APBB2: variants seen among roughly 807,000 people sequenced by gnomAD.
The protein encoded by APBB2 is amyloid beta precursor protein binding family B member 2.
Under a neutral mutation model 82.5 loss-of-function variants are expected in APBB2, and 38 were observed. That is an observed-to-expected ratio of 0.46 (90% CI 0.36 to 0.60). APBB2 has a LOEUF of 0.60. Among genes scored for constraint, APBB2 ranks in the 20% least tolerant of loss-of-function variants. APBB2 has a pLI of 0.00. For missense variants in APBB2, 772 were observed against 972.3 expected, an observed-to-expected ratio of 0.79 and a Z score of 2.74; for synonymous variants, 341 against 368.2, an observed-to-expected ratio of 0.93 and a Z score of 0.85.
At chr4:40,870,886 C>T (rs1238963177) in intron 12 of APBB2, among the ~76,000 whole-genome samples, 1 of 151,962 alleles carries the variant, frequency 6.6e-6, no homozygotes, top group Non-Finnish European at 1.5e-5. Flanking sequence ...GTGCATGACA[C>T]CACACCCAGC....
chr4:40,934,886 G>A, intron 8 of APBB2, 187 bp from the exon 9 acceptor site: 1 of 674,788 alleles, frequency 1.5e-6, no homozygotes, highest in Non-Finnish European at 2.5e-6. Context: ...AAACAACGGG[G>A]AACCTAGGGC....
At chr4:41,103,793 C>CA (rs1281126072) in intron 2 of APBB2, among the ~76,000 whole-genome samples, 1 of 151,950 alleles carries the variant, frequency 6.6e-6, no homozygotes, top group African/African-American at 2.4e-5. Context: ...GAAGGCTAGC[C>CA]AAAAAAACAA....
chr4:40,859,101 T>C (rs142802337), intron 12 of APBB2, among the ~76,000 whole-genome samples: 77 of 152,254 alleles, frequency 5.1e-4, no homozygotes, highest in East Asian at 5.0e-3. Context: ...AAGCAACAAA[T>C]AGATGGGTCT....
chr4:41,122,077 C>T (rs1417424952), intron 2 of APBB2, among the ~76,000 whole-genome samples: 2 of 152,040 alleles, frequency 1.3e-5, no homozygotes, highest in Non-Finnish European at 2.9e-5. Context: ...GGGCACACCA[C>T]CAGGCTTGAC....
intron 12 of APBB2, among the ~76,000 whole-genome samples, chr4:40,874,759 C>T (rs991187462): frequency 2.6e-5 from 4 of 152,150 alleles, no homozygotes; most frequent in African/African-American, 9.7e-5. Context: ...GGGGCTTTCT[C>T]TGAGAATAGA....
At chr4:41,075,275 G>C (rs897260081) in intron 3 of APBB2, among the ~76,000 whole-genome samples, 2 of 152,132 alleles carry the variant, frequency 1.3e-5, no homozygotes, top group Non-Finnish European at 2.9e-5. Context: ...AGTAATCTTT[G>C]ATACACATTA....
chr4:41,190,842 A>T (rs2154070536), intron 1 of APBB2, among the ~76,000 whole-genome samples: 2 of 152,344 alleles, frequency 1.3e-5, no homozygotes, highest in Middle Eastern at 6.8e-3. Flanking sequence ...AAAAGAAAAA[A>T]GCCAAAGAAA....
At chr4:41,147,169 T>A (rs1041318627) in intron 1 of APBB2, among the ~76,000 whole-genome samples, 4 of 152,154 alleles carry the variant, frequency 2.6e-5, no homozygotes, top group African/African-American at 9.7e-5. Context: ...AGCTTTGTGG[T>A]GAGTATTGTT....
At chr4:41,181,716 A>G (rs943882181) in intron 1 of APBB2, among the ~76,000 whole-genome samples, 37 of 152,008 alleles carry the variant, frequency 2.4e-4, no homozygotes, top group African/African-American at 8.2e-4. Flanking sequence ...GAGGCCGAGG[A>G]GAGTGGATCA....
intron 1 of APBB2, among the ~76,000 whole-genome samples, chr4:41,200,458 T>C (rs568121207): frequency 6.6e-6 from 1 of 152,286 alleles, no homozygotes; most frequent in Non-Finnish European, 1.5e-5. Context: ...TAAAATTCTA[T>C]TTTACTAGTA....
At chr4:40,843,645 C>T (rs556999986) in intron 12 of APBB2, among the ~76,000 whole-genome samples, 1 of 152,172 alleles carries the variant, frequency 6.6e-6, no homozygotes, top group Non-Finnish European at 1.5e-5. Context: ...CAAATATCTA[C>T]CTCAGTACTG....
Position 40,928,769 on chromosome 4 carries a change from C to A in APBB2, c.1254+5687G>T, listed in dbSNP as rs28855711. On this transcript the variant is annotated intron_variant, in intron 10 of 17. Coordinates refer to ENST00000508593, the MANE Select transcript of APBB2 (RefSeq NM_004307.2). ...GTGTGGTGGTGTACACCTCTAATCCCAGCTACTCGGCAGGCAGGGGCAGGA... is the reference window on the plus strand; with the variant it reads ...GTGTGGTGGTGTACACCTCTAATCCAAGCTACTCGGCAGGCAGGGGCAGGA... 7.3e-3 allele frequency among the ~76,000 whole-genome samples: 1,108 copies of A among 150,814 alleles called. 10 individuals carry two copies. The highest frequency in any genetic ancestry group is 0.026 in the African/African-American group (1,059 of 40,914).
At position 40,942,895 on chromosome 4, in the gene APBB2, C is replaced by T. The variant is rs911934269; in HGVS notation, c.1044+1970G>A. On this transcript the variant is annotated intron_variant, in intron 7 of 17. Transcript: ENST00000508593. ...CCAAATCACGGAAACAAAAGGCTAA[C>T]GTGTTAATCAAAGAAATACAACTCT... Among the ~76,000 whole-genome samples the T allele has an allele frequency of 3.3e-4, 51 of 152,340 alleles. 1 individual carries two copies. The highest frequency in any genetic ancestry group is 1.0e-3 in the South Asian group (5 of 4,830).
chr4:40,981,443 T>A (rs1022306370), intron 6 of APBB2, among the ~76,000 whole-genome samples: 1 of 152,168 alleles, frequency 6.6e-6, no homozygotes, highest in Non-Finnish European at 1.5e-5. Context: ...TAAAATCTAC[T>A]GATGTTGATT....
chr4:40,981,625 T>C lies in APBB2; in HGVS notation c.835+31958A>G, dbSNP rs529159524. Among the ~76,000 whole-genome samples, 3 of 152,274 alleles carry C rather than the reference T, an allele frequency of 2.0e-5. No individual in the cohort carries two copies. The East Asian group carries it at 5.8e-4, about 29-fold the overall frequency. ...AGGTCTGTGATTAGTTCATTTGGGTTGTATGCATGGTCTCTGCTACCAACA... is the reference window on the plus strand; with the variant it reads ...AGGTCTGTGATTAGTTCATTTGGGTCGTATGCATGGTCTCTGCTACCAACA... On this transcript the variant is annotated intron_variant, in intron 6 of 17. Coordinates refer to ENST00000508593, the MANE Select transcript of APBB2 (RefSeq NM_004307.2).
At chr4:41,040,023 C>T (rs1720736623) in intron 4 of APBB2, among the ~76,000 whole-genome samples, 1 of 151,920 alleles carries the variant, frequency 6.6e-6, no homozygotes, top group Admixed American at 6.6e-5. Flanking sequence ...TCTTTTTCTG[C>T]CCCATCCTGA....
intron 11 of APBB2, among the ~76,000 whole-genome samples, chr4:40,891,951 C>CT (rs565676579): frequency 0.041 from 5,399 of 132,064 alleles, 258 homozygotes; most frequent in African/African-American, 0.11. Flanking sequence ...GGGTTTTGTT[C>CT]TTTTTTTTTT....
At chr4:41,154,519 T>C (rs1386986859) in intron 1 of APBB2, among the ~76,000 whole-genome samples, 1 of 152,200 alleles carries the variant, frequency 6.6e-6, no homozygotes, top group Non-Finnish European at 1.5e-5. Flanking sequence ...TTATTCTCTA[T>C]GGACTGTAAA....
At chr4:40,936,217 C>T (rs1785333083) in intron 7 of APBB2, among the ~76,000 whole-genome samples, 1 of 152,144 alleles carries the variant, frequency 6.6e-6, no homozygotes, top group African/African-American at 2.4e-5. Context: ...AAAAACTAAG[C>T]TTAAATGTCT....
Sources: gnomAD v4.1 joint callset for allele counts (sites outside exome capture counted in the v4.1 genomes callset) on GRCh38, gnomAD v4.1.1 for gene constraint, MANE v1.5 for transcripts, NCBI Gene and HGNC (gene_info 2026-07-23, HGNC 2026-07-21) for gene names.